Variants in CHURC1 observed in about 807,000 individuals in gnomAD.
CHURC1 encodes protein Churchill.
Under a neutral mutation model 15.4 loss-of-function variants are expected in CHURC1, and 12 were observed. The ratio of observed to expected loss-of-function variants is 0.78; its 90% CI spans 0.50 to 1.27. CHURC1 has a LOEUF of 1.27. CHURC1 is among the 50% of genes most tolerant of loss of function. CHURC1 has a pLI of 0.00. For missense variants in CHURC1, 132 were observed against 137.8 expected (o/e 0.96, Z 0.21); for synonymous variants, 42 against 47.5 (o/e 0.88, Z 0.48).
chr14:64,932,804 TTGAA>T lies in CHURC1; in HGVS notation c.*577_*580del, dbSNP rs1179314977. ...TACAAGCCCAAACTAATATAAATGA[TTGAA>T]TGGGAACAAATCTCTTGTGCAGAAG... is the stretch of plus-strand genomic sequence containing the variant. On this transcript the variant is annotated 3_prime_UTR_variant, in exon 4 of 4. Transcript: ENST00000549115. The T allele has an allele frequency of 6.6e-6, 1 of 152,158 alleles. No homozygotes were observed. The highest frequency in any genetic ancestry group is 1.5e-5 in the Non-Finnish European group (1 of 68,088). The allele number at this position is 152,158 out of a possible 1,614,324, so 9.4% of individuals were successfully genotyped here.
intron 1 of CHURC1, among the ~76,000 whole-genome samples, chr14:64,916,473 T>G (rs1883887132): frequency 6.6e-6 from 1 of 152,248 alleles, no homozygotes; most frequent in African/African-American, 2.4e-5. Flanking sequence ...TTTTAAAGTT[T>G]AAAAAGATTT....
chr14:64,918,254 T>G (rs1884026542), intron 1 of CHURC1, among the ~76,000 whole-genome samples: 1 of 152,252 alleles, frequency 6.6e-6, no homozygotes, highest in Admixed American at 6.5e-5. Flanking sequence ...TTTGGAATTT[T>G]AGAAGGCAGA....
At chr14:64,921,775 A>C (rs542503720) in intron 1 of CHURC1, among the ~76,000 whole-genome samples, 5 of 152,356 alleles carry the variant, frequency 3.3e-5, no homozygotes, top group African/African-American at 9.6e-5. Flanking sequence ...CATATTAGCA[A>C]TTCCACTTCT....
intron 1 of CHURC1, among the ~76,000 whole-genome samples, chr14:64,921,250 GA>G (rs1406276185): frequency 6.6e-6 from 1 of 151,906 alleles, no homozygotes; most frequent in Non-Finnish European, 1.5e-5. Context: ...AAAACTTCTA[GA>G]AAAAAATGTA....
Position 64,934,472 on chromosome 14 carries a change from G to T in CHURC1, c.*2242G>T. On this transcript the variant is annotated 3_prime_UTR_variant, in exon 4 of 4. Coordinates refer to ENST00000549115, the MANE Select transcript of CHURC1 (RefSeq NM_001386928.1). ...TGGCAAATATGAAATACAAGGATCTGGCAAGGTTAGGAAGAGGTTAAGAAT... is the reference window on the plus strand; with the variant it reads ...TGGCAAATATGAAATACAAGGATCTTGCAAGGTTAGGAAGAGGTTAAGAAT... 1 of 985,438 alleles carries T rather than the reference G, an allele frequency of 1.0e-6. No homozygotes were observed. Among genetic ancestry groups the T allele is most frequent in the South Asian group, 4.7e-5 (1 of 21,286 alleles). The allele number at this position is 985,438 out of a possible 1,614,324, so 61.0% of individuals were successfully genotyped here. A position where few individuals can be genotyped will look rare whatever the true frequency, so the allele number is the denominator to read the frequency against.
At chr14:64,916,228 G>A (rs1883870515) in intron 1 of CHURC1, among the ~76,000 whole-genome samples, 1 of 152,206 alleles carries the variant, frequency 6.6e-6, no homozygotes, top group Non-Finnish European at 1.5e-5. Flanking sequence ...ATTCAAGGAT[G>A]TACCTGGGTG....
chr14:64,916,885 G>A (rs1883925623), intron 1 of CHURC1, among the ~76,000 whole-genome samples: 1 of 152,100 alleles, frequency 6.6e-6, no homozygotes, highest in Non-Finnish European at 1.5e-5. Context: ...GCCTTAGGTT[G>A]GATTCTTAAG....
intron 3 of CHURC1, chr14:64,930,815 G>A (rs910482145): frequency 2.2e-6 from 1 of 454,652 alleles, no homozygotes; most frequent in African/African-American, 2.0e-5. Flanking sequence ...CATCCAAATA[G>A]CAATGCCTGG....
intron 3 of CHURC1, among the ~76,000 whole-genome samples, chr14:64,930,206 G>A (rs1951993): frequency 0.46 from 70,599 of 151,846 alleles, 20,378 homozygotes; most frequent in African/African-American, 0.81. Context: ...GCCCTGCCCA[G>A]TTGGAGCCTT....
At chr14:64,918,821 A>G (rs1884073389) in intron 1 of CHURC1, among the ~76,000 whole-genome samples, 1 of 152,168 alleles carries the variant, frequency 6.6e-6, no homozygotes, top group Admixed American at 6.5e-5. Context: ...CAACAGAGCA[A>G]AACCCTGTCT....
At chr14:64,925,278 A>C (rs1884595564) in intron 2 of CHURC1, among the ~76,000 whole-genome samples, 1 of 152,220 alleles carries the variant, frequency 6.6e-6, no homozygotes, top group Non-Finnish European at 1.5e-5. Context: ...TTTTGTTACC[A>C]TTAAATTCAC....
rs897182199 is a variant in CHURC1, at chr14:64,934,260, A to G, written c.*2030A>G. 3.1e-6 allele frequency: 1 copy of G among 320,226 alleles called. No individual in the cohort carries two copies. Among genetic ancestry groups the G allele is most frequent in the South Asian group, 1.2e-4 (1 of 8,020 alleles). 19.8% of individuals were successfully genotyped at this position (320,226 alleles called of 1,614,324 possible). A position where few individuals can be genotyped will look rare whatever the true frequency, so the allele number is the denominator to read the frequency against. On this transcript the variant is annotated 3_prime_UTR_variant, in exon 4 of 4. Transcript: ENST00000549115. ...GCAACATGGGAGGCTGAACAGGAGA[A>G]TCGCTTGAACCCGCGACAGGGAGGT...
chr14:64,928,145 C>T (rs1236299575), intron 3 of CHURC1, among the ~76,000 whole-genome samples: 1 of 152,170 alleles, frequency 6.6e-6, no homozygotes, highest in Admixed American at 6.5e-5. Flanking sequence ...TCTAATGCTA[C>T]CCCTACTGCA....
rs1883797473 is a variant in CHURC1, at chr14:64,915,303, A to G, written c.39+769A>G. On this transcript the variant is annotated intron_variant, in intron 1 of 3. Coordinates refer to ENST00000549115, the MANE Select transcript of CHURC1 (RefSeq NM_001386928.1). ...ATGAGCCACCACGTCCAGCTGGATT[A>G]TTTGTTTCAGAGAAGAAATTAAAAG... Among the ~76,000 whole-genome samples, 6 of 152,318 alleles carry G rather than the reference A, an allele frequency of 3.9e-5. No homozygotes were observed. The South Asian group carries it at 8.3e-4, about 21-fold the overall frequency.
intron 3 of CHURC1, 111 bp downstream of exon 3, chr14:64,926,191 T>C: frequency 1.7e-6 from 1 of 593,052 alleles, no homozygotes; most frequent in South Asian, 3.4e-5. Flanking sequence ...AGCGTTAGCA[T>C]ATATTAAAGG....
intron 3 of CHURC1, among the ~76,000 whole-genome samples, chr14:64,927,283 C>T (rs1884775508): frequency 6.6e-6 from 1 of 152,070 alleles, no homozygotes; most frequent in South Asian, 2.1e-4. Flanking sequence ...AATTATGCCT[C>T]AAGAAATATT....
rs1426676663 is a variant in CHURC1, at chr14:64,933,621, GA to G, written c.*1394del. ...GAATTAGTGAATGTAAGATACTTTA[GA>G]AAGCATGTAAAGTACTAGAAACAAT... On this transcript the variant is annotated 3_prime_UTR_variant, in exon 4 of 4. Coordinates refer to ENST00000549115, the MANE Select transcript of CHURC1 (RefSeq NM_001386928.1). 2.0e-6 allele frequency: 2 copies of G among 984,454 alleles called. No homozygotes were observed. The highest frequency in any genetic ancestry group is 2.4e-6 in the Non-Finnish European group (2 of 829,028). The allele number at this position is 984,454 out of a possible 1,614,324, so 61.0% of individuals were successfully genotyped here.
chr14:64,919,656 G>C (rs1306571659), intron 1 of CHURC1, among the ~76,000 whole-genome samples: 2 of 152,132 alleles, frequency 1.3e-5, no homozygotes, highest in Non-Finnish European at 2.9e-5. Context: ...GCCGAGGCTA[G>C]CAGATCACTG....
At chr14:64,919,964 G>A (rs557268704) in intron 1 of CHURC1, among the ~76,000 whole-genome samples, 16 of 151,478 alleles carry the variant, frequency 1.1e-4, no homozygotes, top group Admixed American at 1.1e-3. Flanking sequence ...GAAATAATAA[G>A]GATCAGAGTA....
Sources: gnomAD v4.1 joint callset for allele counts (sites outside exome capture counted in the v4.1 genomes callset) on GRCh38, gnomAD v4.1.1 for gene constraint, MANE v1.5 for transcripts, NCBI Gene and HGNC (gene_info 2026-07-23, HGNC 2026-07-21) for gene names.